The following TXN2 variants were observed in gnomAD, a reference collection of about 807,000 sequenced individuals.
TXN2 encodes the protein thioredoxin, mitochondrial.
A neutral mutation model predicts 14.6 loss-of-function variants in TXN2; 12 were observed. The ratio of observed to expected loss-of-function variants is 0.82; its 90% CI spans 0.53 to 1.33. The LOEUF is 1.33. TXN2 is among the 40% of genes most tolerant of loss of function. TXN2 has a pLI of 0.00. For missense variants in TXN2, 173 were observed against 207.7 expected (o/e 0.83, Z 1.03); for synonymous variants, 89 against 81.0 (o/e 1.10, Z -0.53).
At chr22:36,480,545 C>A in intron 2 of TXN2, 30 bp downstream of exon 2, 2 of 1,603,516 alleles carry the variant, frequency 1.2e-6, no homozygotes, top group Non-Finnish European at 1.7e-6. Flanking sequence ...CAAGTAGGAC[C>A]CTAGTCTTCT....
At position 36,480,692 on chromosome 22, in the gene TXN2, G is replaced by A; in HGVS notation, c.146C>T (p.Ala49Val). The change falls in exon 2 of 4, where the codon GCC becomes GTC. Residue 49 changes from alanine to valine, a missense_variant. Physicochemically the swap from Ala to Val is moderately conservative, Grantham distance 64. Coordinates refer to ENST00000216185, the MANE Select transcript of TXN2 (RefSeq NM_012473.4). Reference protein sequence around the residue: ...PGGLTVTPNPARTIYTTRISL... With the variant: ...PGGLTVTPNPVRTIYTTRISL... ...GATCCTCGTGGTGTATATTGTCCGG[G>A]CTGGGTTGGGTGTTACAGTCAGGCC... The A allele has an allele frequency of 1.2e-6, 2 of 1,614,140 alleles. 1 individual carries two copies. The highest frequency in any genetic ancestry group is 2.2e-5 in the South Asian group (2 of 91,078).
In TXN2 at chr22:36,476,808, C is replaced by T. The variant is rs772459870; in HGVS notation, c.312G>A (p.Val104=). 1.9e-6 allele frequency: 3 copies of T among 1,614,182 alleles called. No individual in the cohort carries two copies. The South Asian group carries it at 3.3e-5, about 18-fold the overall frequency. ...TCACCACCTTCCCGTGCTGCTTGGCCACCATCTTCTCTAACCTCGGCCCCA... is the reference window on the plus strand; with the variant it reads ...TCACCACCTTCCCGTGCTGCTTGGCTACCATCTTCTCTAACCTCGGCCCCA... ...KILGPRLEKM[V]AKQHGKVVMA... is the part of the protein sequence containing the mutation. Residue 104 remains valine, a synonymous_variant, in exon 3 of 4, where the codon GTG becomes GTA. Transcript: ENST00000216185.
rs776988782 is a variant in TXN2, at chr22:36,467,779, G to C, written c.*25C>G. 1.9e-6 allele frequency: 3 copies of C among 1,596,164 alleles called. No individual in the cohort carries two copies. The highest frequency in any genetic ancestry group is 1.3e-5 in the African/African-American group (1 of 74,662). ...TTCTATTGGGGTCCCACGCGGGCAAGGGAACCAGGACTCATCCCTGCTTGT... is the reference window on the plus strand; with the variant it reads ...TTCTATTGGGGTCCCACGCGGGCAACGGAACCAGGACTCATCCCTGCTTGT... On this transcript the variant is annotated 3_prime_UTR_variant, in exon 4 of 4. Coordinates refer to ENST00000216185, the MANE Select transcript of TXN2 (RefSeq NM_012473.4).
At chr22:36,468,324 C>G (rs565756971) in intron 3 of TXN2, among the ~76,000 whole-genome samples, 26 of 152,360 alleles carry the variant, frequency 1.7e-4, no homozygotes, top group African/African-American at 6.0e-4. Flanking sequence ...TTTGCACTCA[C>G]TAGCAAGGGG....
chr22:36,473,218 T>G (rs1933317840), intron 3 of TXN2, among the ~76,000 whole-genome samples: 1 of 152,138 alleles, frequency 6.6e-6, no homozygotes. Flanking sequence ...CGAGGCGGGC[T>G]GATCACCTGA....
At chr22:36,469,228 GA>G (rs1314506281) in intron 3 of TXN2, among the ~76,000 whole-genome samples, 1 of 152,228 alleles carries the variant, frequency 6.6e-6, no homozygotes, top group Non-Finnish European at 1.5e-5. Flanking sequence ...AAAGCTGAAT[GA>G]AATAACGCAA....
At chr22:36,472,720 C>G (rs1009183252) in intron 3 of TXN2, among the ~76,000 whole-genome samples, 1 of 152,040 alleles carries the variant, frequency 6.6e-6, no homozygotes, top group Admixed American at 6.6e-5. Context: ...ACAGGGGAAC[C>G]GAGGGCGGTG....
intron 3 of TXN2, among the ~76,000 whole-genome samples, chr22:36,469,953 T>TC (rs35394198): frequency 1.5e-4 from 22 of 151,570 alleles, no homozygotes; most frequent in Admixed American, 9.9e-4. Context: ...AAGACTCTGT[T>TC]CCCCCCCTCA....
chr22:36,477,959 A>G (rs1933420828), intron 2 of TXN2, among the ~76,000 whole-genome samples: 1 of 151,926 alleles, frequency 6.6e-6, no homozygotes, highest in Non-Finnish European at 1.5e-5. Context: ...CAACATGGTA[A>G]AACCTCGTCT....
At chr22:36,468,308 C>G (rs1933201897) in intron 3 of TXN2, among the ~76,000 whole-genome samples, 1 of 152,220 alleles carries the variant, frequency 6.6e-6, no homozygotes, top group African/African-American at 2.4e-5. Flanking sequence ...CAGTTCGAGT[C>G]CTGGCTTTGC....
At position 36,469,726 on chromosome 22, in the gene TXN2, C is replaced by T. The variant is rs142864378; in HGVS notation, c.388-1809G>A. ...ATCCTAGCATTTTGGGAAGCCAAAG[C>T]GGGCAGATCACTTGAGGTCAGGAGT... On this transcript the variant is annotated intron_variant, in intron 3 of 3. Coordinates refer to ENST00000216185, the MANE Select transcript of TXN2 (RefSeq NM_012473.4). Among the ~76,000 whole-genome samples, 463 of 152,246 alleles carry T rather than the reference C, an allele frequency of 3.0e-3. 5 individuals are homozygous for T. The highest frequency in any genetic ancestry group is 0.01 in the African/African-American group (434 of 41,540).
In TXN2 at chr22:36,467,108, AC is replaced by A. The variant is rs779141502; in HGVS notation, c.*695del. 18 of 153,262 alleles carry A rather than the reference AC, an allele frequency of 1.2e-4. No individual in the cohort carries two copies. The highest frequency in any genetic ancestry group is 2.3e-4 in the Non-Finnish European group (16 of 68,618). The allele number at this position is 153,262 out of a possible 1,614,324, so 9.5% of individuals were successfully genotyped here. ...CACAGTTCAGCCCCCTGCTCAGAAAACCAACGGGCCAGCTAAGGAGAGGAGG... is the reference window on the plus strand; with the variant it reads ...CACAGTTCAGCCCCCTGCTCAGAAAACAACGGGCCAGCTAAGGAGAGGAGG... On this transcript the variant is annotated 3_prime_UTR_variant, in exon 4 of 4. Coordinates refer to ENST00000216185, the MANE Select transcript of TXN2 (RefSeq NM_012473.4).
At chr22:36,476,898 C>T (rs573683516) in intron 2 of TXN2, 42 bp from the exon 3 acceptor site, 49 of 1,612,538 alleles carry the variant, frequency 3.0e-5, no homozygotes, top group East Asian at 2.2e-4. Flanking sequence ...GTCAAAAGAG[C>T]GCTCAGCATC....
chr22:36,476,166 C>T (rs1381200731), intron 3 of TXN2, among the ~76,000 whole-genome samples: 1 of 152,108 alleles, frequency 6.6e-6, no homozygotes, highest in African/African-American at 2.4e-5. Context: ...AAGGAATGTA[C>T]CAATGTCTGA....
chr22:36,467,722 G>A lies in TXN2; in HGVS notation c.*82C>T. 1 of 1,204,214 alleles carries A rather than the reference G, an allele frequency of 8.3e-7. No individual in the cohort carries two copies. The highest frequency in any genetic ancestry group is 1.2e-6 in the Non-Finnish European group (1 of 814,106). 74.6% of individuals were successfully genotyped at this position (1,204,214 alleles called of 1,614,324 possible). On this transcript the variant is annotated 3_prime_UTR_variant, in exon 4 of 4. Transcript: ENST00000216185. Reference sequence around the variant, plus strand: ...GCCCCAGGAGCCAGACAGGAGGGAGGCAGCAGGAAGGGCTGGCATGGAAGG... The same window carrying A: ...GCCCCAGGAGCCAGACAGGAGGGAGACAGCAGGAAGGGCTGGCATGGAAGG...
chr22:36,468,633 G>C (rs1219816616), intron 3 of TXN2: 1 of 449,160 alleles, frequency 2.2e-6, no homozygotes, highest in Non-Finnish European at 4.5e-6. Context: ...GCTGAGGCAG[G>C]AGGATCGCTT....
chr22:36,471,125 C>T (rs983061128), intron 3 of TXN2, among the ~76,000 whole-genome samples: 45 of 152,156 alleles, frequency 3.0e-4, no homozygotes, highest in Non-Finnish European at 5.7e-4. Flanking sequence ...TGCCTGTAAA[C>T]ACTGCCTTAC....
chr22:36,475,237 G>GC (rs1933362808), intron 3 of TXN2, among the ~76,000 whole-genome samples: 1 of 151,846 alleles, frequency 6.6e-6, no homozygotes, highest in Non-Finnish European at 1.5e-5. Context: ...AAATTAGCCG[G>GC]CGTGGTGGCG....
chr22:36,471,919 G>A (rs898902996), intron 3 of TXN2, among the ~76,000 whole-genome samples: 4 of 150,504 alleles, frequency 2.7e-5, no homozygotes, highest in African/African-American at 4.9e-5. Flanking sequence ...GCAGTGAGCC[G>A]AGATTGCGCC....
Sources: allele counts gnomAD v4.1 joint callset (sites outside exome capture counted in the v4.1 genomes callset), GRCh38; gene constraint gnomAD v4.1.1; transcripts MANE v1.5; gene names NCBI Gene and HGNC (gene_info 2026-07-23, HGNC 2026-07-21).